EPB42: variants seen among roughly 807,000 people sequenced by gnomAD.
EPB42 encodes erythrocyte membrane protein band 4.2.
Under a neutral mutation model 76.9 loss-of-function variants are expected in EPB42, and 49 were observed. The ratio of observed to expected loss-of-function variants is 0.64; its 90% CI spans 0.51 to 0.81. The LOEUF is 0.81. EPB42 is among the 30% of genes least tolerant of loss of function. EPB42 has a pLI of 0.00. For missense variants in EPB42, 731 were observed against 867.6 expected (o/e 0.84, Z 1.98); for synonymous variants, 310 against 338.4 (o/e 0.92, Z 0.92).
At chr15:43,208,150 G>C in intron 8 of EPB42, 80 bp downstream of exon 8, 1 of 1,282,506 alleles carries the variant, frequency 7.8e-7, no homozygotes. Flanking sequence ...CCTTGGGACT[G>C]CCTGCTGCTC....
At chr15:43,222,527 A>C (rs1335366865), upstream of EPB42, among the ~76,000 whole-genome samples, 1 of 152,246 alleles carries the variant, frequency 6.6e-6, no homozygotes, top group Non-Finnish European at 1.5e-5. Flanking sequence ...ATTTCTTCCC[A>C]AGTTGATCTT....
chr15:43,210,266 TG>T, intron 5 of EPB42, 68 bp downstream of exon 5: 1 of 1,383,016 alleles, frequency 7.2e-7, no homozygotes, highest in Non-Finnish European at 1.0e-6. Context: ...GCCACGGTGG[TG>T]GGGCAGGTCT....
chr15:43,220,679 C>CA (rs781133293), intron 1 of EPB42, 137 bp downstream of exon 1: 2 of 1,410,054 alleles, frequency 1.4e-6, no homozygotes, highest in South Asian at 2.4e-5. Flanking sequence ...TCATTATCAC[C>CA]AGTACCCCCT....
chr15:43,214,579 C>G (rs1004581449), intron 3 of EPB42, among the ~76,000 whole-genome samples: 3 of 152,148 alleles, frequency 2.0e-5, no homozygotes, highest in Admixed American at 6.5e-5. Flanking sequence ...GGCCGGGGAG[C>G]CTTATCAATT....
intron 1 of EPB42, 109 bp from the exon 2 acceptor site, chr15:43,216,562 T>TA (rs2042382627): frequency 1.6e-6 from 2 of 1,264,358 alleles, no homozygotes; most frequent in African/African-American, 1.5e-5. Flanking sequence ...CGGCTCCACT[T>TA]ACGTTTTAGC....
rs2042219305 is a variant in EPB42 at position 43,207,277 on chromosome 15, C to A, written c.1240G>T (p.Val414Phe). 3.1e-6 allele frequency: 5 copies of A among 1,614,212 alleles called. No individual in the cohort carries two copies. The highest frequency in any genetic ancestry group is 4.2e-6 in the Non-Finnish European group (5 of 1,180,040). Residue 414 changes from valine (V) to phenylalanine (F), a missense_variant, in exon 9 of 13, where the codon GTT becomes TTT. Coordinates refer to ENST00000441366, the MANE Select transcript of EPB42 (RefSeq NM_001114134.2). ...CCCTTGGTGCTGATGTTGTTGCCAACATACTTTGTGTTGGAGTCAGTCAAC... is the reference window on the plus strand; with the variant it reads ...CCCTTGGTGCTGATGTTGTTGCCAAAATACTTTGTGTTGGAGTCAGTCAAC... ...LELTDSNTKY[V>F]GNNISTKGVG...
At chr15:43,221,020 C>A (rs2042454837), upstream of EPB42, 4 of 630,628 alleles carry the variant, frequency 6.3e-6, no homozygotes, top group Non-Finnish European at 1.1e-5. Flanking sequence ...TTCTCTCCTA[C>A]TCCCTCTCTG....
chr15:43,204,604 C>T (rs901426735), intron 10 of EPB42, among the ~76,000 whole-genome samples: 10 of 152,144 alleles, frequency 6.6e-5, no homozygotes, highest in African/African-American at 2.4e-4. Flanking sequence ...TTTTCCTATT[C>T]TAGTGACTCA....
At chr15:43,223,977 A>C (rs2042485408), upstream of EPB42, among the ~76,000 whole-genome samples, 1 of 152,068 alleles carries the variant, frequency 6.6e-6, no homozygotes, top group Admixed American at 6.6e-5. Context: ...TGTCTCAAAA[A>C]AATAGAAATA....
At chr15:43,200,455 C>CGT (rs2042108745) in intron 12 of EPB42, among the ~76,000 whole-genome samples, 3 of 152,062 alleles carry the variant, frequency 2.0e-5, no homozygotes, top group Admixed American at 2.0e-4. Flanking sequence ...AATACCTGGA[C>CGT]TATACAGGAA....
chr15:43,209,513 T>C lies in EPB42; in HGVS notation c.655-62A>G, dbSNP rs1258608561. 2.6e-6 allele frequency: 4 copies of C among 1,552,896 alleles called. No homozygotes were observed. In the Admixed American group the frequency reaches 7.0e-5, roughly 27 times the overall value. On this transcript the variant is annotated intron_variant, in intron 5 of 12. Coordinates refer to ENST00000441366, the MANE Select transcript of EPB42 (RefSeq NM_001114134.2). ...CTTGGGCAGGACAGCTTCCAGGGCA[T>C]GGGTAAGGAGGGCTCATCACAGTAC...
intron 10 of EPB42, among the ~76,000 whole-genome samples, chr15:43,205,081 G>A (rs2042181526): frequency 6.7e-6 from 1 of 150,232 alleles, no homozygotes; most frequent in African/African-American, 2.4e-5. Flanking sequence ...TTGTTAAAAT[G>A]AATTTCTGAT....
At chr15:43,222,889 G>T (rs1398715054), upstream of EPB42, among the ~76,000 whole-genome samples, 1 of 152,026 alleles carries the variant, frequency 6.6e-6, no homozygotes, top group Non-Finnish European at 1.5e-5. Flanking sequence ...AGTAATAGAA[G>T]AAAAAATGAG....
In EPB42 at chr15:43,208,162, C is replaced by G. The variant is rs1017791817; in HGVS notation, c.1075+68G>C. 11 of 1,423,464 alleles carry G rather than the reference C, an allele frequency of 7.7e-6. No homozygotes were observed. The African/African-American group carries it at 1.3e-4, about 16-fold the overall frequency. 88.2% of individuals were successfully genotyped at this position (1,423,464 alleles called of 1,614,324 possible). A position where few individuals can be genotyped will look rare whatever the true frequency, so the allele number is the denominator to read the frequency against. ...CCCCCTTGGGACTGCCTGCTGCTCC[C>G]GAGTCCTCTCTGGGGACTTCAGCTC... On this transcript the variant is annotated intron_variant, in intron 8 of 12. Coordinates refer to ENST00000441366, the MANE Select transcript of EPB42 (RefSeq NM_001114134.2).
chr15:43,207,462 T>G (rs780868805), intron 8 of EPB42, 21 bp from the exon 9 acceptor site: 38 of 1,612,372 alleles, frequency 2.4e-5, no homozygotes, highest in Non-Finnish European at 3.1e-5. Flanking sequence ...GAAAGGTTGG[T>G]GAGCATGGGA....
intron 1 of EPB42, among the ~76,000 whole-genome samples, chr15:43,219,007 C>T (rs985625020): frequency 1.3e-5 from 2 of 152,170 alleles, no homozygotes; most frequent in African/African-American, 4.8e-5. Flanking sequence ...TTCACAATAC[C>T]CCAGAGCTGC....
intron 3 of EPB42, among the ~76,000 whole-genome samples, chr15:43,213,077 G>A (rs1035190865): frequency 6.6e-6 from 1 of 152,084 alleles, no homozygotes; most frequent in Non-Finnish European, 1.5e-5. Context: ...CTCCACTCCT[G>A]CCTTCCATCC....
upstream of EPB42, among the ~76,000 whole-genome samples, chr15:43,221,429 T>C (rs980502302): frequency 1.4e-4 from 21 of 152,270 alleles, no homozygotes; most frequent in Non-Finnish European, 2.5e-4. Flanking sequence ...GAAAAATAAA[T>C]GTATTAAAAG....
chr15:43,206,361 C>T lies in EPB42; in HGVS notation c.1587G>A (p.Lys529=). ...TGGCACTGAGCGTGAGGTGCAGCTT[C>T]TTCCTCCAGAGCTTGGCAGCAAGGA... ...NGVLAAKLWR[K]KLHLTLSANL... The change falls in exon 10 of 13, where the codon AAG becomes AAA. Residue 529 remains lysine, a synonymous_variant. Transcript: ENST00000441366. The surrounding 1 kb of genome is among the most constrained non-coding windows in gnomAD (Gnocchi z 4.7). The T allele has an allele frequency of 6.2e-7, 1 of 1,612,884 alleles. No homozygotes were observed. Among genetic ancestry groups the T allele is most frequent in the African/African-American group, 1.3e-5 (1 of 74,978 alleles).
Sources: allele counts gnomAD v4.1 joint callset (sites outside exome capture counted in the v4.1 genomes callset), GRCh38; gene constraint gnomAD v4.1.1; non-coding constraint Gnocchi (gnomAD v3.1); transcripts MANE v1.5; gene names NCBI Gene and HGNC (gene_info 2026-07-23, HGNC 2026-07-21).